The following KCNH5 variants were observed in gnomAD, a reference collection of about 807,000 sequenced individuals.
The protein encoded by KCNH5 is potassium voltage-gated channel subfamily H member 5.
Under a neutral mutation model 96.1 loss-of-function variants are expected in KCNH5, and 46 were observed. The ratio of observed to expected loss-of-function variants is 0.48; its 90% CI spans 0.38 to 0.61. The LOEUF (loss-of-function observed/expected upper bound fraction) is 0.61, where lower values mean the gene tolerates loss of function less well. Among genes scored for constraint, KCNH5 ranks in the 20% least tolerant of loss-of-function variants. The pLI is 0.00. For synonymous variants in KCNH5, 439 were observed against 449.8 expected (o/e 0.98, Z 0.30); for missense variants, 907 against 1,225.8 (o/e 0.74, Z 3.88).
intron 7 of KCNH5, among the ~76,000 whole-genome samples, chr14:62,946,831 A>T (rs925054849): frequency 1.3e-5 from 2 of 152,176 alleles, no homozygotes; most frequent in Admixed American, 1.3e-4. Context: ...AAAAGGTTAC[A>T]TTTTACATAA....
chr14:62,896,840 A>G (rs1434969086), intron 7 of KCNH5, among the ~76,000 whole-genome samples: 4 of 152,234 alleles, frequency 2.6e-5, no homozygotes, highest in Non-Finnish European at 5.9e-5. Flanking sequence ...TTGTGTATGT[A>G]CAATACTGCA....
chr14:62,989,391 A>T (rs1890769091), intron 4 of KCNH5, among the ~76,000 whole-genome samples: 1 of 152,132 alleles, frequency 6.6e-6, no homozygotes, highest in Non-Finnish European at 1.5e-5. Flanking sequence ...TCAAATAAAG[A>T]ATAAATTCAA....
At chr14:62,718,754 A>G (rs1884740948) in intron 10 of KCNH5, among the ~76,000 whole-genome samples, 1 of 152,246 alleles carries the variant, frequency 6.6e-6, no homozygotes, top group South Asian at 2.1e-4. Flanking sequence ...AAACTTGTAC[A>G]TGAATGTTCA....
chr14:62,840,566 C>CTTTT (rs71120238), intron 8 of KCNH5, among the ~76,000 whole-genome samples: 4,085 of 76,314 alleles, frequency 0.054, 321 homozygotes, highest in East Asian at 0.17. Context: ...TCTTTTTTTT[C>CTTTT]TTTTTTTTTT....
At chr14:62,982,178 T>C (rs543468028) in intron 5 of KCNH5, among the ~76,000 whole-genome samples, 2 of 152,046 alleles carry the variant, frequency 1.3e-5, no homozygotes, top group South Asian at 4.1e-4. Flanking sequence ...AAAATACAAA[T>C]ATTAGATGGG....
intron 7 of KCNH5, among the ~76,000 whole-genome samples, chr14:62,923,959 A>T (rs547663870): frequency 3.3e-5 from 5 of 152,104 alleles, no homozygotes; most frequent in Middle Eastern, 3.4e-3. Context: ...AAAAGTAAAA[A>T]CAAACACGTG....
At chr14:63,038,079 T>C (rs1460891746) in intron 1 of KCNH5, among the ~76,000 whole-genome samples, 5 of 152,194 alleles carry the variant, frequency 3.3e-5, no homozygotes, top group Non-Finnish European at 1.5e-5. Flanking sequence ...TACCATCTGA[T>C]TTGCCCTATG....
At chr14:62,861,150 C>T (rs1430424421) in intron 7 of KCNH5, among the ~76,000 whole-genome samples, 1 of 152,174 alleles carries the variant, frequency 6.6e-6, no homozygotes, top group Non-Finnish European at 1.5e-5. Context: ...GGACAAGGGT[C>T]AACACCAACA....
intron 6 of KCNH5, among the ~76,000 whole-genome samples, chr14:62,959,867 A>G (rs563557797): frequency 5.3e-5 from 8 of 152,190 alleles, no homozygotes; most frequent in South Asian, 2.1e-4. Context: ...TCCTCTATCT[A>G]CGGGAGTTTC....
chr14:62,750,262 C>G (rs902654611), intron 10 of KCNH5, among the ~76,000 whole-genome samples: 2 of 152,070 alleles, frequency 1.3e-5, no homozygotes, highest in Non-Finnish European at 2.9e-5. Context: ...AGCTTTTTTC[C>G]TATAAAAAGA....
chr14:62,804,304 T>C (rs1886722485), intron 8 of KCNH5, among the ~76,000 whole-genome samples: 2 of 152,188 alleles, frequency 1.3e-5, no homozygotes, highest in Non-Finnish European at 2.9e-5. Flanking sequence ...GCTTTAAAAG[T>C]AATTGACGCT....
chr14:62,915,977 T>A (rs1889266426), intron 7 of KCNH5, among the ~76,000 whole-genome samples: 1 of 146,520 alleles, frequency 6.8e-6, no homozygotes, highest in African/African-American at 2.6e-5. Flanking sequence ...TTTTTTGAGA[T>A]GGAGTCTCGC....
At chr14:62,748,743 C>T (rs545608453) in intron 10 of KCNH5, among the ~76,000 whole-genome samples, 5 of 151,998 alleles carry the variant, frequency 3.3e-5, no homozygotes, top group African/African-American at 9.6e-5. Context: ...TTCATAACTG[C>T]GAGTTCCGAC....
chr14:62,888,920 TAAGAATTTCTTAGCCAC>T (rs1298319316), intron 7 of KCNH5, among the ~76,000 whole-genome samples: 1 of 152,212 alleles, frequency 6.6e-6, no homozygotes. Flanking sequence ...CGATAAAACC[TAAGAATTTCTTAGCCAC>T]AAGAATATCT....
At chr14:62,772,181 A>ATTTTGTATT (rs780723657) in intron 10 of KCNH5, among the ~76,000 whole-genome samples, 2 of 152,064 alleles carry the variant, frequency 1.3e-5, no homozygotes, top group Non-Finnish European at 2.9e-5. Flanking sequence ...AAAATATTCA[A>ATTTTGTATT]TTTTGTATTT....
At chr14:63,015,102 G>A (rs1891301769) in intron 2 of KCNH5, among the ~76,000 whole-genome samples, 1 of 152,076 alleles carries the variant, frequency 6.6e-6, no homozygotes. Context: ...ATGAATATGA[G>A]AATGCCTTCA....
intron 10 of KCNH5, among the ~76,000 whole-genome samples, chr14:62,777,647 C>G (rs1286059341): frequency 6.6e-6 from 1 of 152,078 alleles, no homozygotes; most frequent in Non-Finnish European, 1.5e-5. Context: ...AAATTGACAC[C>G]AGTTATAACA....
At chr14:62,934,316 A>C (rs1238888035) in intron 7 of KCNH5, among the ~76,000 whole-genome samples, 1 of 152,086 alleles carries the variant, frequency 6.6e-6, no homozygotes, top group Non-Finnish European at 1.5e-5. Context: ...TTTCTTTAGC[A>C]AACACCAAAA....
Position 62,768,514 on chromosome 14 carries a change from C to T in KCNH5, c.2019+11214G>A, listed in dbSNP as rs575244764. Among the ~76,000 whole-genome samples the T allele has an allele frequency of 7.1e-4, 108 of 152,202 alleles. 1 individual carries two copies. In the Middle Eastern group the frequency reaches 0.01, roughly 14 times the overall value. On this transcript the variant is annotated intron_variant, in intron 10 of 10. Coordinates refer to ENST00000322893, the MANE Select transcript of KCNH5 (RefSeq NM_139318.5). ...AACAGTCTAGCGTCCAGCTAAGATGCCTCTAGAGATGCATTATGGTGAGGC... is the reference window on the plus strand; with the variant it reads ...AACAGTCTAGCGTCCAGCTAAGATGTCTCTAGAGATGCATTATGGTGAGGC...
Sources: allele counts gnomAD v4.1 joint callset (sites outside exome capture counted in the v4.1 genomes callset), GRCh38; gene constraint gnomAD v4.1.1; transcripts MANE v1.5; gene names NCBI Gene and HGNC (gene_info 2026-07-23, HGNC 2026-07-21).